The following RAB23 variants were observed in gnomAD, a reference collection of about 807,000 sequenced individuals.
The protein encoded by RAB23 is ras-related protein Rab-23.
Under a neutral mutation model 30.0 loss-of-function variants are expected in RAB23, and 15 were observed. The observed-to-expected ratio is 0.50, with a 90% CI of 0.33 to 0.77. The LOEUF (loss-of-function observed/expected upper bound fraction) is 0.77, where lower values mean the gene tolerates loss of function less well. RAB23 is among the 30% of genes least tolerant of loss of function. The probability of loss-of-function intolerance (pLI) is 0.02; values close to 1 mark genes in which losing one functional copy is unlikely to be tolerated. For missense variants in RAB23, 243 were observed against 275.4 expected (o/e 0.88, Z 0.83); for synonymous variants, 93 against 94.0 (o/e 0.99, Z 0.06).
chr6:57,213,633 CTAAGTA>C (rs1765735214), intron 1 of RAB23, among the ~76,000 whole-genome samples: 1 of 152,058 alleles, frequency 6.6e-6, no homozygotes, highest in African/African-American at 2.4e-5. Context: ...ATTCCTTCCT[CTAAGTA>C]TAACTAAAAA....
chr6:57,207,720 C>G lies in RAB23; in HGVS notation c.156-7G>C. Reference sequence around the variant, plus strand: ...GACATCTTCATCATTAACTCTAAAACAAGAGATGAATTTATTTCATATGTA... The same window carrying G: ...GACATCTTCATCATTAACTCTAAAAGAAGAGATGAATTTATTTCATATGTA... On this transcript the variant is annotated splice_polypyrimidine_tract_variant and splice_region_variant and intron_variant, in intron 2 of 6. Coordinates refer to ENST00000468148, the MANE Select transcript of RAB23 (RefSeq NM_016277.5). 3 of 1,548,322 alleles carry G rather than the reference C, an allele frequency of 1.9e-6. No homozygotes were observed. The highest frequency in any genetic ancestry group is 2.7e-6 in the Non-Finnish European group (3 of 1,121,954).
intron 1 of RAB23, among the ~76,000 whole-genome samples, chr6:57,217,914 T>C (rs1037369428): frequency 1.6e-4 from 24 of 152,136 alleles, no homozygotes; most frequent in African/African-American, 4.6e-4. Context: ...GATAGCAACA[T>C]AGACTCTGCA....
chr6:57,205,073 CAT>C (rs894981226), intron 3 of RAB23, among the ~76,000 whole-genome samples: 5 of 150,234 alleles, frequency 3.3e-5, no homozygotes, highest in Non-Finnish European at 4.4e-5. Flanking sequence ...TGTATATATA[CAT>C]ATACATATAT....
chr6:57,220,789 T>C (rs936855332), intron 1 of RAB23, among the ~76,000 whole-genome samples: 3 of 152,134 alleles, frequency 2.0e-5, no homozygotes, highest in Non-Finnish European at 2.9e-5. Flanking sequence ...CTTACTGTAG[T>C]GGTGGTTACA....
At position 57,188,751 on chromosome 6, in the gene RAB23, C is replaced by A. The variant is rs184971972; in HGVS notation, c.*1710G>T. On this transcript the variant is annotated 3_prime_UTR_variant, in exon 7 of 7. Transcript: ENST00000468148. Reference sequence around the variant, plus strand: ...TTACATTACTGTGAAATAGATAATGCCAGATCATTTCAATATAATGAAAAG... The same window carrying A: ...TTACATTACTGTGAAATAGATAATGACAGATCATTTCAATATAATGAAAAG... 651 of 152,192 alleles carry A rather than the reference C, an allele frequency of 4.3e-3. 4 individuals carry two copies. The highest frequency in any genetic ancestry group is 0.015 in the African/African-American group (635 of 41,510). 9.4% of individuals were successfully genotyped at this position (152,192 alleles called of 1,614,324 possible).
At chr6:57,191,689 A>G in intron 6 of RAB23, among the ~76,000 whole-genome samples, 1 of 152,208 alleles carries the variant, frequency 6.6e-6, no homozygotes, top group Non-Finnish European at 1.5e-5. Flanking sequence ...AGCTCAGGCA[A>G]TCCACCTGCC....
In RAB23 at chr6:57,194,751, T is replaced by G; in HGVS notation, c.481+19A>C. ...ATAAAATTTCTTTTTGCAATCTATA[T>G]CCTTTAAAGGTAATTTACCTTCATT... is the stretch of plus-strand genomic sequence containing the variant. On this transcript the variant is annotated intron_variant, in intron 5 of 6. Transcript: ENST00000468148. 6.4e-7 allele frequency: 1 copy of G among 1,554,406 alleles called. No individual in the cohort carries two copies. Among genetic ancestry groups the G allele is most frequent in the Non-Finnish European group, 8.9e-7 (1 of 1,127,686 alleles).
intron 1 of RAB23, among the ~76,000 whole-genome samples, chr6:57,216,461 T>G (rs1289824228): frequency 2.6e-5 from 4 of 152,208 alleles, no homozygotes; most frequent in African/African-American, 9.7e-5. Context: ...TATACCTCCT[T>G]TCAAGTACCC....
At chr6:57,215,588 T>A (rs976782020) in intron 1 of RAB23, among the ~76,000 whole-genome samples, 7 of 152,074 alleles carry the variant, frequency 4.6e-5, no homozygotes, top group Admixed American at 4.6e-4. Context: ...AGGTAATCTC[T>A]GATGAGGGAA....
Position 57,214,457 on chromosome 6 carries a change from C to T in RAB23, c.-65-4012G>A, listed in dbSNP as rs190510108. 3.9e-4 allele frequency among the ~76,000 whole-genome samples: 60 copies of T among 152,260 alleles called. 2 individuals carry two copies. The South Asian group carries it at 4.6e-3, about 12-fold the overall frequency. On this transcript the variant is annotated intron_variant, in intron 1 of 6. Coordinates refer to ENST00000468148, the MANE Select transcript of RAB23 (RefSeq NM_016277.5). Reference sequence around the variant, plus strand: ...AGCTGGGACTACAGGCGCACACCACCACGCCTGGCTAGTTTTTGCATTTTT... The same window carrying T: ...AGCTGGGACTACAGGCGCACACCACTACGCCTGGCTAGTTTTTGCATTTTT...
At chr6:57,211,764 G>C (rs957386180) in intron 1 of RAB23, among the ~76,000 whole-genome samples, 8 of 152,136 alleles carry the variant, frequency 5.3e-5, no homozygotes, top group African/African-American at 1.9e-4. Flanking sequence ...GCAATAGAAT[G>C]GGCACTTTGC....
intron 3 of RAB23, among the ~76,000 whole-genome samples, chr6:57,197,834 A>C (rs1765081271): frequency 1.3e-5 from 2 of 152,048 alleles, no homozygotes; most frequent in Admixed American, 6.6e-5. Flanking sequence ...GACCTCCTGG[A>C]CTCAATCAAT....
rs745815053 is a variant in RAB23 at position 57,187,580 on chromosome 6, T to C, written c.*2881A>G. 6.6e-6 allele frequency: 1 copy of C among 152,104 alleles called. No individual in the cohort carries two copies. Among genetic ancestry groups the C allele is most frequent in the Non-Finnish European group, 1.5e-5 (1 of 68,032 alleles). 9.4% of individuals were successfully genotyped at this position (152,104 alleles called of 1,614,324 possible). A position where few individuals can be genotyped will look rare whatever the true frequency, so the allele number is the denominator to read the frequency against. On this transcript the variant is annotated 3_prime_UTR_variant, in exon 7 of 7. Transcript: ENST00000468148. Reference sequence around the variant, plus strand: ...TGGGAACATTTTATCAGGTTAGCAGTAACTATTTCAAAGGTTTTGAAAAGT... The same window carrying C: ...TGGGAACATTTTATCAGGTTAGCAGCAACTATTTCAAAGGTTTTGAAAAGT...
chr6:57,221,501 G>T (rs147985560), intron 1 of RAB23: 3 of 152,852 alleles, frequency 2.0e-5, no homozygotes, highest in Non-Finnish European at 2.9e-5. Flanking sequence ...TGGTCGCACT[G>T]CAGGGAGGAG....
At chr6:57,191,595 G>A (rs1301995167) in intron 6 of RAB23, among the ~76,000 whole-genome samples, 2 of 151,084 alleles carry the variant, frequency 1.3e-5, no homozygotes, top group African/African-American at 4.9e-5. Flanking sequence ...GACTACAGCC[G>A]CCTGCCGCCA....
At chr6:57,194,678 C>G in intron 5 of RAB23, 92 bp downstream of exon 5, 1 of 966,590 alleles carries the variant, frequency 1.0e-6, no homozygotes, top group Non-Finnish European at 1.5e-6. Context: ...AAATCTTGTT[C>G]TCGTTATAAA....
At chr6:57,210,958 G>A (rs1447002369) in intron 1 of RAB23, among the ~76,000 whole-genome samples, 1 of 152,232 alleles carries the variant, frequency 6.6e-6, no homozygotes, top group Non-Finnish European at 1.5e-5. Context: ...TTTAAGCACT[G>A]ACATGATGCC....
intron 3 of RAB23, among the ~76,000 whole-genome samples, chr6:57,205,392 T>G (rs1368045638): frequency 1.3e-5 from 2 of 152,028 alleles, no homozygotes; most frequent in Non-Finnish European, 2.9e-5. Context: ...TGATACTGTC[T>G]CCTAAGGTCA....
Position 57,210,278 on chromosome 6 carries a change from T to TA in RAB23, c.102dup (p.Thr35TyrfsTer11). ...CCAATGGTTTTCTTGTAGTCTTTTG[T>TA]AAAAATGCCTTTGCAATATCGCTGA... is the stretch of plus-strand genomic sequence containing the variant. On this transcript the variant is annotated frameshift_variant, in exon 2 of 7. Coordinates refer to ENST00000468148, the MANE Select transcript of RAB23 (RefSeq NM_016277.5). LOFTEE classifies it high-confidence loss of function. 6.2e-7 allele frequency: 1 copy of TA among 1,614,062 alleles called. No homozygotes were observed. The highest frequency in any genetic ancestry group is 8.5e-7 in the Non-Finnish European group (1 of 1,179,916).
Sources: gnomAD v4.1 joint callset for allele counts (sites outside exome capture counted in the v4.1 genomes callset) on GRCh38, gnomAD v4.1.1 for gene constraint, MANE v1.5 for transcripts, NCBI Gene and HGNC (gene_info 2026-07-23, HGNC 2026-07-21) for gene names.